CSPP1: variants seen among roughly 807,000 people sequenced by gnomAD.
CSPP1 encodes centrosome and spindle pole-associated protein 1.
Under a neutral mutation model 164.4 loss-of-function variants are expected in CSPP1, and 126 were observed. The observed-to-expected ratio is 0.77, with a 90% CI of 0.66 to 0.89. The LOEUF is 0.89. CSPP1 is among the 40% of genes least tolerant of loss of function. The pLI, the probability that CSPP1 is intolerant of heterozygous loss-of-function variation, is 0.00. For missense variants in CSPP1, 1,395 were observed against 1,449.8 expected (o/e 0.96, Z 0.61); for synonymous variants, 472 against 476.7 (o/e 0.99, Z 0.13).
intron 4 of CSPP1, among the ~76,000 whole-genome samples, chr8:67,088,155 GT>G (rs1810789558): frequency 6.6e-6 from 1 of 152,070 alleles, no homozygotes; most frequent in Admixed American, 6.6e-5. Flanking sequence ...TCTCTTGTAG[GT>G]TTTGCATTAC....
intron 28 of CSPP1, among the ~76,000 whole-genome samples, chr8:67,181,190 C>T (rs772925840): frequency 1.7e-4 from 26 of 151,870 alleles, no homozygotes; most frequent in South Asian, 1.3e-3. Flanking sequence ...GCATGCACCA[C>T]GATACCTGGT....
At position 67,181,848 on chromosome 8, in the gene CSPP1, C is replaced by CT. The variant is rs1563772856; in HGVS notation, c.3220+1923dup. ...CCCCATTGCCCTCTCCCTCCAGCCC[C>CT]TGGCAGCCAACATTGTACTTTCCAT... On this transcript the variant is annotated intron_variant, in intron 28 of 30. Transcript: ENST00000678616. 2.6e-5 allele frequency among the ~76,000 whole-genome samples: 4 copies of CT among 152,308 alleles called. No homozygotes were observed. The South Asian group carries it at 6.2e-4, about 24-fold the overall frequency.
At chr8:67,160,102 A>C (rs1450999017) in intron 21 of CSPP1, among the ~76,000 whole-genome samples, 1 of 137,832 alleles carries the variant, frequency 7.3e-6, no homozygotes, top group East Asian at 2.1e-4. Flanking sequence ...GGCTGATCTC[A>C]AATTTTTGGG....
chr8:67,115,829 G>A, intron 12 of CSPP1, 85 bp from the exon 13 acceptor site: 1 of 903,778 alleles, frequency 1.1e-6, no homozygotes, highest in South Asian at 1.5e-5. Context: ...TTAAGTGCCT[G>A]CTGGGATAGG....
chr8:67,134,705 G>T (rs569423560), intron 16 of CSPP1, among the ~76,000 whole-genome samples: 1 of 151,748 alleles, frequency 6.6e-6, no homozygotes, highest in Non-Finnish European at 1.5e-5. Context: ...GACTATAGGC[G>T]CCTGCCACCA....
intron 28 of CSPP1, among the ~76,000 whole-genome samples, chr8:67,181,980 C>T (rs1398296385): frequency 6.6e-6 from 1 of 152,006 alleles, no homozygotes; most frequent in Non-Finnish European, 1.5e-5. Flanking sequence ...GAGGTTTATC[C>T]ATGTTATAGC....
At chr8:67,128,638 T>C (rs531436556) in intron 15 of CSPP1, among the ~76,000 whole-genome samples, 5 of 152,206 alleles carry the variant, frequency 3.3e-5, no homozygotes, top group African/African-American at 9.6e-5. Flanking sequence ...TTATGAGACT[T>C]TCATAATCTT....
chr8:67,089,401 A>G (rs1376032910), intron 4 of CSPP1, among the ~76,000 whole-genome samples: 1 of 152,178 alleles, frequency 6.6e-6, no homozygotes, highest in Non-Finnish European at 1.5e-5. Context: ...AGCTGGCTGC[A>G]TAATTCACAT....
chr8:67,187,538 A>C (rs1252459840), intron 28 of CSPP1, among the ~76,000 whole-genome samples: 1 of 152,168 alleles, frequency 6.6e-6, no homozygotes, highest in South Asian at 2.1e-4. Context: ...ATTTTAAATT[A>C]GCCGATGTGG....
intron 9 of CSPP1, among the ~76,000 whole-genome samples, chr8:67,111,365 G>C (rs1816798806): frequency 6.6e-6 from 1 of 152,190 alleles, no homozygotes; most frequent in Admixed American, 6.5e-5. Flanking sequence ...ATATTACATA[G>C]TGTACTGGAT....
chr8:67,118,670 G>A, intron 14 of CSPP1, 73 bp from the exon 15 acceptor site: 1 of 1,049,642 alleles, frequency 9.5e-7, no homozygotes, highest in Non-Finnish European at 1.4e-6. Flanking sequence ...ACCTTTTTCT[G>A]GAGGAATAAG....
At chr8:67,127,812 G>A (rs1015254566) in intron 15 of CSPP1, among the ~76,000 whole-genome samples, 1 of 152,046 alleles carries the variant, frequency 6.6e-6, no homozygotes, top group African/African-American at 2.4e-5. Context: ...TTTTCTGAAG[G>A]CCACATTAAA....
At chr8:67,065,523 A>G (rs1180113866) in intron 1 of CSPP1, 3 of 981,462 alleles carry the variant, frequency 3.1e-6, no homozygotes, top group Non-Finnish European at 3.6e-6. Flanking sequence ...GACAAGCTCC[A>G]TGGAAGCTAT....
In CSPP1 at chr8:67,195,914, G is replaced by A. The variant is rs895575049; in HGVS notation, c.*321G>A. Reference sequence around the variant, plus strand: ...GATAAGGTGAATAAGTGTCTTAAACGTCCTGTAAAACCGGACTCCCCTTTG... The same window carrying A: ...GATAAGGTGAATAAGTGTCTTAAACATCCTGTAAAACCGGACTCCCCTTTG... On this transcript the variant is annotated 3_prime_UTR_variant, in exon 31 of 31. Transcript: ENST00000678616. The A allele has an allele frequency of 3.2e-5, 7 of 218,232 alleles. No individual in the cohort carries two copies. The South Asian group carries it at 4.2e-4, about 13-fold the overall frequency. 13.5% of individuals were successfully genotyped at this position (218,232 alleles called of 1,614,324 possible).
intron 24 of CSPP1, among the ~76,000 whole-genome samples, chr8:67,167,546 G>A (rs1364938166): frequency 8.1e-5 from 12 of 149,026 alleles, no homozygotes; most frequent in African/African-American, 1.7e-4. Context: ...CAGACGGGGC[G>A]GCTGCTGGGC....
At chr8:67,145,812 C>T (rs1586496487) in intron 17 of CSPP1, among the ~76,000 whole-genome samples, 2 of 151,904 alleles carry the variant, frequency 1.3e-5, no homozygotes, top group East Asian at 1.9e-4. Flanking sequence ...CATGAGCCAC[C>T]GTGCCCAGCC....
rs757922857 is a variant in CSPP1 at position 67,118,789 on chromosome 8, T to A, written c.1665T>A (p.Ala555=). 6.2e-7 allele frequency: 1 copy of A among 1,612,462 alleles called. No individual in the cohort carries two copies. Among genetic ancestry groups the A allele is most frequent in the Non-Finnish European group, 8.5e-7 (1 of 1,178,564 alleles). Residue 555 remains alanine, a synonymous_variant, in exon 15 of 31, where the codon GCT becomes GCA. Transcript: ENST00000678616. Reference sequence around the variant, plus strand: ...TACAGCCTGCAGCTTATGTTAGTGCTCCTGTCACCCACCAACTAGCACAAC... The same window carrying A: ...TACAGCCTGCAGCTTATGTTAGTGCACCTGTCACCCACCAACTAGCACAAC... ...MGVQPAAYVS[A]PVTHQLAQPV...
intron 24 of CSPP1, 149 bp downstream of exon 24, chr8:67,164,657 G>C (rs1004644700): frequency 3.9e-5 from 20 of 519,454 alleles, no homozygotes; most frequent in African/African-American, 2.8e-4. Context: ...AAAATCAGCT[G>C]TAGAAATTTA....
rs745897839 is a variant in CSPP1, at chr8:67,064,469, C to G, written c.-80C>G. The G allele has an allele frequency of 1.2e-6, 2 of 1,613,976 alleles. No individual in the cohort carries two copies. The highest frequency in any genetic ancestry group is 4.5e-5 in the East Asian group (2 of 44,864). Reference sequence around the variant, plus strand: ...GACGATCCTCTAGAGCACTGTGTGTCTCCCCGGACGCGAGCCCGCTCCCCT... The same window carrying G: ...GACGATCCTCTAGAGCACTGTGTGTGTCCCCGGACGCGAGCCCGCTCCCCT... On this transcript the variant is annotated 5_prime_UTR_variant, in exon 1 of 31. Transcript: ENST00000678616.
Sources: gnomAD v4.1 joint callset for allele counts (sites outside exome capture counted in the v4.1 genomes callset) on GRCh38, gnomAD v4.1.1 for gene constraint, MANE v1.5 for transcripts, NCBI Gene and HGNC (gene_info 2026-07-23, HGNC 2026-07-21) for gene names.